Variants in ITGA11 observed in about 807,000 individuals in gnomAD.
ITGA11 encodes integrin alpha-11.
In ITGA11, 97 loss-of-function variants were observed where a neutral mutation model predicts 141.9. The ratio of observed to expected loss-of-function variants is 0.68; its 90% confidence interval spans 0.58 to 0.81. The LOEUF (loss-of-function observed/expected upper bound fraction) is 0.81. Ranked by LOEUF, ITGA11 falls within the 30% of genes least tolerant of loss-of-function variation. The pLI, the probability that ITGA11 is intolerant of heterozygous loss-of-function variation, is 0.00. For missense variants in ITGA11, 1,387 were observed against 1,559.2 expected (o/e 0.89, Z 1.86); for synonymous variants, 658 against 624.6 (o/e 1.05, Z -0.80).
At chr15:68,360,885 C>T (rs984412643) in intron 5 of ITGA11, among the ~76,000 whole-genome samples, 8 of 152,138 alleles carry the variant, frequency 5.3e-5, no homozygotes, top group African/African-American at 1.4e-4. Flanking sequence ...GTCTGGAGGG[C>T]GGCTGCAGGC....
In ITGA11 at chr15:68,304,544, G is replaced by T. The variant is rs1233455064; in HGVS notation, c.3382-659C>A. On this transcript the variant is annotated intron_variant, in intron 28 of 29. Coordinates refer to ENST00000315757, the MANE Select transcript of ITGA11 (RefSeq NM_001004439.2). The surrounding 1 kb of genome is among the most constrained non-coding windows in gnomAD (Gnocchi z 6.1). The stretch of plus-strand genomic sequence containing the variant: ...CGTGAAGGTCAGAAAGTAAGCCCAG[G>T]CCAGCTCCCTCAGTCCTGTGGCTAT... Among the ~76,000 whole-genome samples the T allele has an allele frequency of 6.6e-6, 1 of 152,138 alleles. No homozygotes were observed. The highest frequency in any genetic ancestry group is 1.5e-5 in the Non-Finnish European group (1 of 68,028).
At position 68,328,467 on chromosome 15, in the gene ITGA11, G is replaced by T. The variant is rs1024437238; in HGVS notation, c.1902-205C>A. Among the ~76,000 whole-genome samples, 2 of 152,146 alleles carry T rather than the reference G, an allele frequency of 1.3e-5. No homozygotes were observed. Among genetic ancestry groups the T allele is most frequent in the African/African-American group, 2.4e-5 (1 of 41,430 alleles). On this transcript the variant is annotated intron_variant, in intron 15 of 29. Coordinates refer to ENST00000315757, the MANE Select transcript of ITGA11 (RefSeq NM_001004439.2). The surrounding 1 kb of genome is among the most constrained non-coding windows in gnomAD (Gnocchi z 4.8). Reference sequence around the variant, plus strand: ...CAAGAGCGAGCACGGGGCGAAAGGGGCTCAGCCACCTCATGGCCCCTCCAT... The same window carrying T: ...CAAGAGCGAGCACGGGGCGAAAGGGTCTCAGCCACCTCATGGCCCCTCCAT...
chr15:68,375,263 C>G (rs1895699504), intron 2 of ITGA11, among the ~76,000 whole-genome samples: 1 of 152,198 alleles, frequency 6.6e-6, no homozygotes, highest in Non-Finnish European at 1.5e-5. Context: ...CTCCATTTTC[C>G]TTTTCTGAAA....
intron 2 of ITGA11, among the ~76,000 whole-genome samples, chr15:68,388,987 C>A (rs898388636): frequency 6.6e-6 from 1 of 152,162 alleles, no homozygotes; most frequent in Non-Finnish European, 1.5e-5. Context: ...CATGGGATGG[C>A]GTCCTTTCTC....
At position 68,362,904 on chromosome 15, in the gene ITGA11, TTGATGGATGAATGGGTGGATGGA is replaced by T. The variant is rs1476549355; in HGVS notation, c.358-1223_358-1201del. On this transcript the variant is annotated intron_variant, in intron 4 of 29. Coordinates refer to ENST00000315757, the MANE Select transcript of ITGA11 (RefSeq NM_001004439.2). ...ATGATAATGGATGGATGATAGATGGTTGATGGATGAATGGGTGGATGGATGATGGATGAATGGATGATGGATGA... is the reference window on the plus strand; with the variant it reads ...ATGATAATGGATGGATGATAGATGGTTGATGGATGAATGGATGATGGATGA... Among the ~76,000 whole-genome samples the T allele has an allele frequency of 1.9e-3, 283 of 151,270 alleles. 1 individual carries two copies. Among genetic ancestry groups the T allele is most frequent in the African/African-American group, 6.7e-3 (274 of 41,126 alleles).
intron 1 of ITGA11, among the ~76,000 whole-genome samples, chr15:68,424,174 C>A (rs1897083724): frequency 6.6e-6 from 1 of 152,212 alleles, no homozygotes; most frequent in African/African-American, 2.4e-5. Flanking sequence ...CACTCCACAC[C>A]TACCAGCTCC....
chr15:68,371,153 C>T (rs1895577360), intron 2 of ITGA11, among the ~76,000 whole-genome samples: 1 of 152,138 alleles, frequency 6.6e-6, no homozygotes, highest in Non-Finnish European at 1.5e-5. Context: ...TGATTTTTGG[C>T]TACTTAATTC....
At chr15:68,373,838 G>T (rs1417912101) in intron 2 of ITGA11, among the ~76,000 whole-genome samples, 1 of 152,136 alleles carries the variant, frequency 6.6e-6, no homozygotes, top group Non-Finnish European at 1.5e-5. Context: ...ATTGACAGTG[G>T]GAGAGCTGAG....
At chr15:68,366,902 C>A (rs770756109) in intron 3 of ITGA11, among the ~76,000 whole-genome samples, 24 of 152,174 alleles carry the variant, frequency 1.6e-4, no homozygotes, top group Admixed American at 7.2e-4. Context: ...TGGCTGACAC[C>A]CACTTAGCCT....
chr15:68,317,052 G>A (rs1351034079), intron 21 of ITGA11, among the ~76,000 whole-genome samples: 2 of 152,224 alleles, frequency 1.3e-5, no homozygotes, highest in East Asian at 3.8e-4. Flanking sequence ...TTCTCTCTGA[G>A]TTAAAGGATG....
At chr15:68,356,163 T>A (rs537507756) in intron 7 of ITGA11, among the ~76,000 whole-genome samples, 3 of 152,184 alleles carry the variant, frequency 2.0e-5, no homozygotes, top group Non-Finnish European at 4.4e-5. Flanking sequence ...TGGCACCATC[T>A]TGGCTCATTG....
Position 68,317,319 on chromosome 15 carries a change from C to T in ITGA11, c.2661G>A (p.Arg887=). 6.2e-7 allele frequency: 1 copy of T among 1,613,892 alleles called. No homozygotes were observed. Among genetic ancestry groups the T allele is most frequent in the South Asian group, 1.1e-5 (1 of 91,084 alleles). Residue 887 remains arginine, a synonymous_variant, in exon 21 of 30, where the codon AGG becomes AGA. Transcript: ENST00000315757. ...TGACGTTGCAGACTTGCTTCTGGAG[C>T]CTCCTCTCCTCGTTCACACACTCAA... is the stretch of plus-strand genomic sequence containing the variant. The part of the protein sequence containing the change: ...GSIECVNEER[R]LQKQVCNVSY...
At position 68,410,042 on chromosome 15, in the gene ITGA11, G is replaced by GATCCTGCTCAATA. The variant is rs200908233; in HGVS notation, c.53-7026_53-7014dup. ...CATCTATCCCAGTCACATGCTCTAA[G>GATCCTGCTCAATA]ATCCTGCTCAATACAGAACTGACTG... On this transcript the variant is annotated intron_variant, in intron 1 of 29. Coordinates refer to ENST00000315757, the MANE Select transcript of ITGA11 (RefSeq NM_001004439.2). Among the ~76,000 whole-genome samples, 423 of 152,316 alleles carry GATCCTGCTCAATA rather than the reference G, an allele frequency of 2.8e-3. 5 individuals carry two copies. The highest frequency in any genetic ancestry group is 9.8e-3 in the African/African-American group (408 of 41,576).
At chr15:68,390,368 T>C (rs954579582) in intron 2 of ITGA11, among the ~76,000 whole-genome samples, 5 of 151,472 alleles carry the variant, frequency 3.3e-5, no homozygotes, top group African/African-American at 1.2e-4. Flanking sequence ...GAGGTGGGAG[T>C]CAGCGGTGGA....
At position 68,406,382 on chromosome 15, in the gene ITGA11, C is replaced by A. The variant is rs1896651607; in HGVS notation, c.53-3353G>T. 2.6e-5 allele frequency among the ~76,000 whole-genome samples: 4 copies of A among 152,156 alleles called. No homozygotes were observed. In the South Asian group the frequency reaches 8.3e-4, roughly 32 times the overall value. On this transcript the variant is annotated intron_variant, in intron 1 of 29. Coordinates refer to ENST00000315757, the MANE Select transcript of ITGA11 (RefSeq NM_001004439.2). Reference sequence around the variant, plus strand: ...CTCCTCTCCTCCAGCCATACTGACCCTCTCGCTGTCCTTCCAACTTCAGAC... The same window carrying A: ...CTCCTCTCCTCCAGCCATACTGACCATCTCGCTGTCCTTCCAACTTCAGAC...
In ITGA11 at chr15:68,308,425, TG is replaced by T. The variant is rs1893268079; in HGVS notation, c.3175-730del. Among the ~76,000 whole-genome samples the T allele has an allele frequency of 6.6e-6, 1 of 152,166 alleles. No individual in the cohort carries two copies. The highest frequency in any genetic ancestry group is 1.5e-5 in the Non-Finnish European group (1 of 68,038). On this transcript the variant is annotated intron_variant, in intron 26 of 29. Transcript: ENST00000315757. The surrounding 1 kb of genome is among the most constrained non-coding windows in gnomAD (Gnocchi z 5.2). The stretch of plus-strand genomic sequence containing the variant: ...TGATATCACAAAGAAATCAGCAGTT[TG>T]CAAATGGATAACTTGTTTTAAGAAG...
chr15:68,391,060 C>T (rs1335062736), intron 2 of ITGA11, among the ~76,000 whole-genome samples: 2 of 152,160 alleles, frequency 1.3e-5, no homozygotes, highest in African/African-American at 4.8e-5. Context: ...TGGAATGCTG[C>T]CCATACGACA....
chr15:68,316,112 T>C (rs76305215), intron 21 of ITGA11, among the ~76,000 whole-genome samples: 22,733 of 152,252 alleles, frequency 0.15, 3,163 homozygotes, highest in African/African-American at 0.37. Flanking sequence ...GCCATCGCCA[T>C]GCACCACAGG....
At position 68,307,118 on chromosome 15, in the gene ITGA11, A is replaced by T. The variant is rs1893224565; in HGVS notation, c.3381+230T>A. On this transcript the variant is annotated intron_variant, in intron 28 of 29. Transcript: ENST00000315757. This position sits in a 1 kb window ranked among gnomAD's most constrained non-coding sequence, Gnocchi z 6.1. ...CATCTCCCATCCTTTGGTCTTCACA[A>T]ATTCAGTTCACACCAGACCTCTGGA... Among the ~76,000 whole-genome samples, 1 of 152,092 alleles carries T rather than the reference A, an allele frequency of 6.6e-6. No individual in the cohort carries two copies. The highest frequency in any genetic ancestry group is 2.1e-4 in the South Asian group (1 of 4,826).
Sources: allele counts gnomAD v4.1 joint callset (sites outside exome capture counted in the v4.1 genomes callset), GRCh38; gene constraint gnomAD v4.1.1; non-coding constraint Gnocchi (gnomAD v3.1); transcripts MANE v1.5; gene names NCBI Gene and HGNC (gene_info 2026-07-23, HGNC 2026-07-21).